The following PRKACA variants were observed in gnomAD, a reference collection of about 807,000 sequenced individuals.
PRKACA encodes protein kinase cAMP-activated catalytic subunit alpha.
A neutral mutation model predicts 45.8 loss-of-function variants in PRKACA; 9 were observed. The observed-to-expected ratio is 0.20, with a 90% CI of 0.12 to 0.34. The LOEUF is 0.34. Ranked by LOEUF, PRKACA falls within the 10% of genes least tolerant of loss-of-function variation. PRKACA has a pLI of 1.00. For missense variants in PRKACA, 238 were observed against 458.6 expected (o/e 0.52, Z 4.39); for synonymous variants, 160 against 178.6 (o/e 0.90, Z 0.83).
intron 1 of PRKACA, among the ~76,000 whole-genome samples, chr19:14,116,608 C>T (rs1312939400): frequency 6.6e-6 from 1 of 151,928 alleles, no homozygotes; most frequent in African/African-American, 2.4e-5. Flanking sequence ...ATTGAGGGGC[C>T]CTCCATGGAG....
At chr19:14,114,801 G>T (rs1269010606) in intron 1 of PRKACA, among the ~76,000 whole-genome samples, 2 of 151,292 alleles carry the variant, frequency 1.3e-5, no homozygotes, top group Non-Finnish European at 3.0e-5. Flanking sequence ...CCACTCCAGG[G>T]TTCATTCTGG....
Position 14,095,144 on chromosome 19 carries a change from T to TC in PRKACA, c.766-1353dup, listed in dbSNP as rs376765543. Reference sequence around the variant, plus strand: ...TCTGTGTTTTTTTCTTTCTTTTTTTTCCCACTCTGGGACATTTTTTTTTCT... The same window carrying TC: ...TCTGTGTTTTTTTCTTTCTTTTTTTTCCCCACTCTGGGACATTTTTTTTTCT... On this transcript the variant is annotated intron_variant, in intron 8 of 9. Coordinates refer to ENST00000308677, the MANE Select transcript of PRKACA (RefSeq NM_002730.4). 2.7e-3 allele frequency among the ~76,000 whole-genome samples: 410 copies of TC among 151,966 alleles called. 1 individual carries two copies. The highest frequency in any genetic ancestry group is 9.6e-3 in the African/African-American group (396 of 41,364).
chr19:14,101,574 AAC>A (rs1402775278), intron 4 of PRKACA, among the ~76,000 whole-genome samples: 23 of 151,750 alleles, frequency 1.5e-4, no homozygotes, highest in African/African-American at 5.3e-4. Flanking sequence ...AACAAAACAA[AAC>A]AAAATGGCCG....
At chr19:14,098,814 G>GA (rs78905737) in intron 5 of PRKACA, among the ~76,000 whole-genome samples, 1,389 of 90,536 alleles carry the variant, frequency 0.015, 8 homozygotes, top group Middle Eastern at 0.031. Context: ...TATGTTATTG[G>GA]AAAAAAAAAA....
intron 3 of PRKACA, 106 bp downstream of exon 3, chr19:14,106,653 CA>C (rs1568535177): frequency 1.0e-4 from 152 of 1,474,294 alleles, no homozygotes; most frequent in Middle Eastern, 1.8e-4. Flanking sequence ...GACTCTGAAT[CA>C]AAAAAAAGCA....
At chr19:14,116,311 G>A (rs1967104788) in intron 1 of PRKACA, among the ~76,000 whole-genome samples, 1 of 152,138 alleles carries the variant, frequency 6.6e-6, no homozygotes, top group African/African-American at 2.4e-5. Context: ...TCTTTCTCTG[G>A]CTGGCTGGAA....
At chr19:14,117,389 G>C (rs1967131611) in intron 1 of PRKACA, 113 bp downstream of exon 1, 3 of 1,117,432 alleles carry the variant, frequency 2.7e-6, no homozygotes, top group South Asian at 3.9e-5. Flanking sequence ...AGGGGCGCTG[G>C]GGGGTAGGCA....
chr19:14,109,907 C>T (rs1287384706), intron 1 of PRKACA, among the ~76,000 whole-genome samples: 2 of 121,510 alleles, frequency 1.6e-5, no homozygotes, highest in Non-Finnish European at 3.2e-5. Flanking sequence ...CACTGCACTC[C>T]AGCCTAGGCG....
chr19:14,115,936 T>C (rs569196357), intron 1 of PRKACA, among the ~76,000 whole-genome samples: 1 of 151,818 alleles, frequency 6.6e-6, no homozygotes, highest in South Asian at 2.1e-4. Flanking sequence ...ACCCACCTGC[T>C]CCTCTGTCAT....
At chr19:14,109,479 G>C (rs1977708218) in intron 1 of PRKACA, among the ~76,000 whole-genome samples, 1 of 151,704 alleles carries the variant, frequency 6.6e-6, no homozygotes, top group Non-Finnish European at 1.5e-5. Flanking sequence ...GCCAGGCGTG[G>C]TGGTGATGTG....
chr19:14,113,093 G>A (rs1452745515), intron 1 of PRKACA, among the ~76,000 whole-genome samples: 1 of 152,098 alleles, frequency 6.6e-6, no homozygotes, highest in Non-Finnish European at 1.5e-5. Context: ...CCTATGCGGG[G>A]GTGGAGAGGG....
Position 14,097,240 on chromosome 19 carries a change from G to T in PRKACA, c.765+121C>A. On this transcript the variant is annotated intron_variant, in intron 8 of 9. Transcript: ENST00000308677. This position sits in a 1 kb window ranked among gnomAD's most constrained non-coding sequence, Gnocchi z 5.4. ...GCCGGCGCGTCCAGCTTCACCACCT[G>T]GCCTGACTTAAGGAACTTCTAGATT... 6.7e-7 allele frequency: 1 copy of T among 1,502,800 alleles called. No individual in the cohort carries two copies. Among genetic ancestry groups the T allele is most frequent in the Non-Finnish European group, 9.1e-7 (1 of 1,094,954 alleles). 93.1% of individuals were successfully genotyped at this position (1,502,800 alleles called of 1,614,324 possible). A position where few individuals can be genotyped will look rare whatever the true frequency, so the allele number is the denominator to read the frequency against.
intron 1 of PRKACA, among the ~76,000 whole-genome samples, chr19:14,109,999 T>TATATATACAC (rs1555774928): frequency 1.1e-4 from 6 of 55,462 alleles, no homozygotes; most frequent in Admixed American, 2.4e-4. Flanking sequence ...TATATATATA[T>TATATATACAC]ACACACACAC....
rs767060410 is a variant in PRKACA at position 14,097,277 on chromosome 19, A to C, written c.765+84T>G. 36 of 1,597,672 alleles carry C rather than the reference A, an allele frequency of 2.3e-5. No individual in the cohort carries two copies. The highest frequency in any genetic ancestry group is 2.9e-5 in the Non-Finnish European group (34 of 1,167,582). Reference sequence around the variant, plus strand: ...GGAACTTCTAGATTATTCTGACAACAAGCAGGGCTCCCCAGGGAATAGGAT... The same window carrying C: ...GGAACTTCTAGATTATTCTGACAACCAGCAGGGCTCCCCAGGGAATAGGAT... On this transcript the variant is annotated intron_variant, in intron 8 of 9. Transcript: ENST00000308677. The surrounding 1 kb of genome is among the most constrained non-coding windows in gnomAD (Gnocchi z 5.4).
chr19:14,105,521 AAAAC>A (rs1019983614), intron 3 of PRKACA, among the ~76,000 whole-genome samples: 1 of 152,068 alleles, frequency 6.6e-6, no homozygotes, highest in Non-Finnish European at 1.5e-5. Flanking sequence ...CAAAAAAAAA[AAAAC>A]ATAAAAAAAA....
In PRKACA at chr19:14,113,275, G is replaced by A. The variant is rs143986919; in HGVS notation, c.46+4227C>T. ...TTTCCAGATCCCAAAAGAAGCAGAG[G>A]GTCAGTGGCAGCCTCTTTGAGTGTG... On this transcript the variant is annotated intron_variant, in intron 1 of 9. Transcript: ENST00000308677. Among the ~76,000 whole-genome samples, 1,248 of 152,184 alleles carry A rather than the reference G, an allele frequency of 8.2e-3. 20 individuals are homozygous for A. Among genetic ancestry groups the A allele is most frequent in the African/African-American group, 0.028 (1,143 of 41,510 alleles).
At chr19:14,108,063 G>A (rs1257013874) in intron 1 of PRKACA, 3 of 985,424 alleles carry the variant, frequency 3.0e-6, no homozygotes, top group African/African-American at 1.7e-5. Flanking sequence ...TGACTCACTC[G>A]GCAACCTGCC....
intron 1 of PRKACA, among the ~76,000 whole-genome samples, chr19:14,111,582 T>C (rs1966965728): frequency 6.6e-6 from 1 of 152,152 alleles, no homozygotes; most frequent in Non-Finnish European, 1.5e-5. Context: ...AATCCAACAC[T>C]TTCACTAGCA....
At chr19:14,107,997 A>G in intron 1 of PRKACA, 1 of 985,942 alleles carries the variant, frequency 1.0e-6, no homozygotes, top group Non-Finnish European at 1.2e-6. Context: ...CCGCCTGGCT[A>G]ATGTTGAAAC....
Sources: gnomAD v4.1 joint callset for allele counts (sites outside exome capture counted in the v4.1 genomes callset) on GRCh38, gnomAD v4.1.1 for gene constraint, Gnocchi (gnomAD v3.1) non-coding constraint, MANE v1.5 for transcripts, NCBI Gene and HGNC (gene_info 2026-07-23, HGNC 2026-07-21) for gene names.